The following RYR2 variants were observed in gnomAD, a reference collection of about 807,000 sequenced individuals.
RYR2 encodes cardiac muscle ryanodine receptor-calcium release channel.
A neutral mutation model predicts 601.1 loss-of-function variants in RYR2; 227 were observed. The observed-to-expected ratio is 0.38, with a 90% CI of 0.34 to 0.42. The LOEUF (loss-of-function observed/expected upper bound fraction) is 0.42. Ranked by LOEUF, RYR2 falls within the 10% of genes least tolerant of loss-of-function variation. The pLI, the probability that RYR2 is intolerant of heterozygous loss-of-function variation, is 1.00. For synonymous variants in RYR2, 2,223 were observed against 2,175.1 expected (o/e 1.02, Z -0.61); for missense variants, 4,646 against 6,156.5 (o/e 0.75, Z 8.21).
intron 87 of RYR2, among the ~76,000 whole-genome samples, chr1:237,778,052 C>T (rs534237009): frequency 6.6e-6 from 1 of 152,320 alleles, no homozygotes; most frequent in African/African-American, 2.4e-5. Flanking sequence ...CTGGAGCCAT[C>T]TCAGCCTAAT....
In RYR2 at chr1:237,678,080, C is replaced by T. The variant is rs1325038379; in HGVS notation, c.8863C>T (p.Pro2955Ser). 2 of 1,605,408 alleles carry T rather than the reference C, an allele frequency of 1.2e-6. No individual in the cohort carries two copies. Among genetic ancestry groups the T allele is most frequent in the South Asian group, 1.1e-5 (1 of 90,174 alleles). ...CAGCAGAGGCAAAGGAGAACATTTCCCTTATGAACAAGAAATCAAGTTCTT... is the reference window on the plus strand; with the variant it reads ...CAGCAGAGGCAAAGGAGAACATTTCTCTTATGAACAAGAAATCAAGTTCTT... ...GGSRGKGEHF[P>S]YEQEIKFFAK... Residue 2955 changes from proline (P) to serine (S), a missense_variant, in exon 61 of 105, where the codon CCT becomes TCT. By Grantham distance (74) the Pro-to-Ser change is moderately conservative. Around this residue, in one of 17 missense-constraint regions of RYR2, gnomAD observed 1,497 missense variants for 1,842.6 expected, o/e 0.81. Transcript: ENST00000366574.
chr1:237,432,768 A>G (rs888887389), intron 12 of RYR2, among the ~76,000 whole-genome samples: 1 of 152,030 alleles, frequency 6.6e-6, no homozygotes, highest in South Asian at 2.1e-4. Flanking sequence ...TTTTTCTTAC[A>G]TCTGTTTTTC....
intron 8 of RYR2, among the ~76,000 whole-genome samples, chr1:237,383,645 G>A (rs969900832): frequency 6.6e-6 from 1 of 151,718 alleles, no homozygotes; most frequent in African/African-American, 2.4e-5. Flanking sequence ...TGGCCAGGAT[G>A]GTCTCGATCT....
chr1:237,158,588 T>G (rs1209552300), intron 1 of RYR2, among the ~76,000 whole-genome samples: 1 of 152,230 alleles, frequency 6.6e-6, no homozygotes, highest in African/African-American at 2.4e-5. Context: ...TTAAAAATGA[T>G]TGGATCCCAC....
At chr1:237,647,674 T>G (rs1394605100) in intron 48 of RYR2, among the ~76,000 whole-genome samples, 1 of 152,336 alleles carries the variant, frequency 6.6e-6, no homozygotes, top group South Asian at 2.1e-4. Flanking sequence ...CATATGAAAA[T>G]TTCTGTGATA....
chr1:237,808,745 G>A (rs1456673131), intron 99 of RYR2, among the ~76,000 whole-genome samples, 156 bp from the exon 100 acceptor site: 3 of 152,108 alleles, frequency 2.0e-5, no homozygotes, highest in Admixed American at 2.0e-4. Context: ...TCTGCATGAG[G>A]GGGCTAAGAA....
At chr1:237,620,509 G>A (rs948556464) in intron 38 of RYR2, among the ~76,000 whole-genome samples, 1 of 151,996 alleles carries the variant, frequency 6.6e-6, no homozygotes, top group East Asian at 1.9e-4. Flanking sequence ...CAAGAAATTG[G>A]CAGAGTGAAT....
intron 1 of RYR2, among the ~76,000 whole-genome samples, chr1:237,244,740 C>T (rs1433755988): frequency 2.0e-5 from 3 of 152,124 alleles, no homozygotes; most frequent in Non-Finnish European, 4.4e-5. Context: ...CTCTCCTAAA[C>T]TCCTCCTGTA....
intron 103 of RYR2, among the ~76,000 whole-genome samples, 167 bp from the exon 104 acceptor site, chr1:237,831,347 C>T (rs1269282249): frequency 6.6e-6 from 1 of 152,168 alleles, no homozygotes; most frequent in African/African-American, 2.4e-5. Flanking sequence ...AAGTCAGGTC[C>T]ACAGCCTTTC....
chr1:237,402,625 C>G (rs1703454036), intron 10 of RYR2, among the ~76,000 whole-genome samples: 1 of 152,102 alleles, frequency 6.6e-6, no homozygotes, highest in Non-Finnish European at 1.5e-5. Context: ...AAAACACTGA[C>G]AGTCAAAAGA....
At chr1:237,810,406 T>G (rs1323375355) in intron 100 of RYR2, among the ~76,000 whole-genome samples, 3 of 152,070 alleles carry the variant, frequency 2.0e-5, no homozygotes, top group Non-Finnish European at 4.4e-5. Flanking sequence ...AAATGCAAAT[T>G]AAAACAATGA....
At chr1:237,777,651 A>G (rs1694772941) in intron 87 of RYR2, among the ~76,000 whole-genome samples, 1 of 152,208 alleles carries the variant, frequency 6.6e-6, no homozygotes, top group African/African-American at 2.4e-5. Flanking sequence ...TGGCTCCATG[A>G]AAACAGTCTG....
At chr1:237,426,197 A>G (rs1158611078) in intron 12 of RYR2, among the ~76,000 whole-genome samples, 1 of 152,180 alleles carries the variant, frequency 6.6e-6, no homozygotes, top group African/African-American at 2.4e-5. Flanking sequence ...GTTATACCGA[A>G]TGGTAGCAGA....
At chr1:237,593,422 G>C in intron 32 of RYR2, 54 bp from the exon 33 acceptor site, 1 of 1,531,126 alleles carries the variant, frequency 6.5e-7, no homozygotes, top group Non-Finnish European at 8.8e-7. Flanking sequence ...GCAAATCCAA[G>C]TTTTGTTTTG....
intron 28 of RYR2, among the ~76,000 whole-genome samples, chr1:237,567,225 G>T (rs1318743800): frequency 5.3e-5 from 8 of 151,986 alleles, no homozygotes; most frequent in Non-Finnish European, 1.5e-5. Context: ...ATGGAAGCTG[G>T]TCAGGTGTTT....
In RYR2 at chr1:237,709,372, A is replaced by G. The variant is rs187390666; in HGVS notation, c.10143-108A>G. On this transcript the variant is annotated intron_variant, in intron 69 of 104. Transcript: ENST00000366574. The stretch of plus-strand genomic sequence containing the variant: ...AATATTACAACACTGTGCTGAAACC[A>G]TCATGAGCTCTGTGGTCAGTACATT... The G allele has an allele frequency of 1.0e-5, 8 of 776,202 alleles. No individual in the cohort carries two copies. The African/African-American group carries it at 1.1e-4, about 10-fold the overall frequency. The allele number at this position is 776,202 out of a possible 1,614,324, so 48.1% of individuals were successfully genotyped here.
At chr1:237,674,062 A>T (rs1393082219) in intron 58 of RYR2, 34 bp from the exon 59 acceptor site, 2 of 1,578,102 alleles carry the variant, frequency 1.3e-6, no homozygotes, top group Non-Finnish European at 1.7e-6. Context: ...TTTTCAAATT[A>T]CTATGCTGTG....
chr1:237,744,718 T>TAAA (rs199825432), intron 80 of RYR2, among the ~76,000 whole-genome samples: 5 of 91,104 alleles, frequency 5.5e-5, no homozygotes, highest in Non-Finnish European at 1.0e-4. Context: ...CCTTCTTTTT[T>TAAA]TAAAAAAAAA....
chr1:237,724,443 C>T (rs1276242777), intron 74 of RYR2, among the ~76,000 whole-genome samples: 1 of 151,514 alleles, frequency 6.6e-6, no homozygotes, highest in Non-Finnish European at 1.5e-5. Context: ...CTCAAATACC[C>T]TCCCCCAAAC....
Sources: gnomAD v4.1 joint callset for allele counts (sites outside exome capture counted in the v4.1 genomes callset) on GRCh38, gnomAD v4.1.1 for gene constraint, gnomAD v4.1.1 regional missense constraint, MANE v1.5 for transcripts, NCBI Gene and HGNC (gene_info 2026-07-23, HGNC 2026-07-21) for gene names.